ZNF521: variants seen among roughly 807,000 people sequenced by gnomAD.
The protein encoded by ZNF521 is zinc finger protein 521, also known as LYST-interacting protein 3.
ZNF521 carries 14 observed loss-of-function variants against 105.5 expected under a neutral mutation model. The ratio of observed to expected loss-of-function variants is 0.13; its 90% CI spans 0.09 to 0.21. The LOEUF (loss-of-function observed/expected upper bound fraction) is 0.21. Among genes scored for constraint, ZNF521 ranks in the 10% least tolerant of loss-of-function variants. ZNF521 has a pLI of 1.00. For missense variants in ZNF521, 1,233 were observed against 1,629.7 expected (o/e 0.76, Z 4.19); for synonymous variants, 635 against 606.0 (o/e 1.05, Z -0.70).
chr18:25,120,374 G>A (rs964084697), intron 5 of ZNF521, among the ~76,000 whole-genome samples: 1 of 152,170 alleles, frequency 6.6e-6, no homozygotes, highest in African/African-American at 2.4e-5. Context: ...CCCGAGGTCA[G>A]GAGTTCAAGA....
chr18:25,350,803 ACACTCACGCG>A (rs1914714942), intron 2 of ZNF521, 94 bp downstream of exon 2: 5 of 1,320,616 alleles, frequency 3.8e-6, no homozygotes, highest in Non-Finnish European at 5.2e-6. Context: ...ACTCACACTC[ACACTCACGCG>A]CGCACACGCC....
In ZNF521 at chr18:25,179,116, C is replaced by CTTTTTTTTTTTT. The variant is rs1175859497; in HGVS notation, c.3658+16032_3658+16043dup. 5.9e-4 allele frequency among the ~76,000 whole-genome samples: 31 copies of CTTTTTTTTTTTT among 52,482 alleles called. 7 individuals carry two copies. The highest frequency in any genetic ancestry group is 9.4e-4 in the South Asian group (1 of 1,064). 34.4% of individuals were successfully genotyped at this position (52,482 alleles called of 152,430 possible). A position where few individuals can be genotyped will look rare whatever the true frequency, so the allele number is the denominator to read the frequency against. ...GACTTATACTTCTTTTTCTTTATTC[C>CTTTTTTTTTTTT]TTTTTTTTTTTTTTTTTTTTTTTTT... On this transcript the variant is annotated intron_variant, in intron 5 of 7. Transcript: ENST00000361524.
At chr18:25,112,395 C>T (rs1407240488) in intron 5 of ZNF521, among the ~76,000 whole-genome samples, 1 of 152,100 alleles carries the variant, frequency 6.6e-6, no homozygotes, top group Non-Finnish European at 1.5e-5. Context: ...TACCCCTGCC[C>T]ACTACAACTT....
chr18:25,241,663 G>T (rs995748067), intron 3 of ZNF521, among the ~76,000 whole-genome samples: 2 of 151,962 alleles, frequency 1.3e-5, no homozygotes, highest in African/African-American at 4.8e-5. Flanking sequence ...GTAAGTCAAG[G>T]CTATTAAAAC....
chr18:25,238,519 G>A (rs1157810834), intron 3 of ZNF521, among the ~76,000 whole-genome samples: 1 of 152,138 alleles, frequency 6.6e-6, no homozygotes, highest in African/African-American at 2.4e-5. Flanking sequence ...TGGTATGGTC[G>A]GATCAGGTAT....
intron 7 of ZNF521, among the ~76,000 whole-genome samples, chr18:25,084,005 A>G (rs1729978951): frequency 7.4e-6 from 1 of 135,404 alleles, no homozygotes; most frequent in South Asian, 2.3e-4. Context: ...GCTGGTCTCA[A>G]TCTCTTGGGC....
At chr18:25,163,772 T>A (rs924459810) in intron 5 of ZNF521, among the ~76,000 whole-genome samples, 1 of 152,176 alleles carries the variant, frequency 6.6e-6, no homozygotes, top group Non-Finnish European at 1.5e-5. Flanking sequence ...GTTGCAGGTA[T>A]GGGGGCTTTT....
At chr18:25,217,278 G>C (rs140627032) in intron 4 of ZNF521, among the ~76,000 whole-genome samples, 131 of 152,320 alleles carry the variant, frequency 8.6e-4, no homozygotes, top group African/African-American at 2.7e-3. Flanking sequence ...ATCCAGACGA[G>C]AAACAATTGC....
intron 7 of ZNF521, among the ~76,000 whole-genome samples, chr18:25,068,983 T>C (rs1201023717): frequency 1.3e-5 from 2 of 152,228 alleles, no homozygotes; most frequent in Non-Finnish European, 2.9e-5. Context: ...TACCTAGTCC[T>C]CAAACATTAG....
At chr18:25,351,730 C>G (rs531681846) in intron 1 of ZNF521, 1 of 155,200 alleles carries the variant, frequency 6.4e-6, no homozygotes, top group Admixed American at 6.5e-5. Flanking sequence ...CCAAAGCACC[C>G]GAGCCGACGG....
intron 3 of ZNF521, among the ~76,000 whole-genome samples, chr18:25,237,238 G>T (rs1443890529): frequency 1.3e-5 from 2 of 152,126 alleles, no homozygotes; most frequent in Non-Finnish European, 2.9e-5. Context: ...TAGACTAAGT[G>T]ATTTATGCCA....
chr18:25,213,158 T>C (rs1360922937), intron 4 of ZNF521, among the ~76,000 whole-genome samples: 1 of 147,224 alleles, frequency 6.8e-6, no homozygotes, highest in African/African-American at 2.5e-5. Flanking sequence ...AGTATAATAA[T>C]ATAGTTACAT....
intron 5 of ZNF521, among the ~76,000 whole-genome samples, chr18:25,119,155 A>C (rs1037901070): frequency 6.6e-6 from 1 of 152,190 alleles, no homozygotes; most frequent in Non-Finnish European, 1.5e-5. Flanking sequence ...AATCTTAACA[A>C]TTATGGATAT....
intron 3 of ZNF521, among the ~76,000 whole-genome samples, chr18:25,287,564 C>G (rs1231760547): frequency 2.0e-5 from 3 of 151,710 alleles, no homozygotes; most frequent in Non-Finnish European, 4.4e-5. Context: ...CATAAAAACC[C>G]TCTTTATGAA....
chr18:25,308,084 C>T (rs1318053385), intron 3 of ZNF521, among the ~76,000 whole-genome samples: 2 of 151,620 alleles, frequency 1.3e-5, no homozygotes, highest in Non-Finnish European at 2.9e-5. Flanking sequence ...TGCCTATAAT[C>T]CCAGCTACTC....
At chr18:25,212,538 A>AAAAAATATATATATAT (rs1555647923) in intron 4 of ZNF521, among the ~76,000 whole-genome samples, 2 of 48,142 alleles carry the variant, frequency 4.2e-5, no homozygotes, top group African/African-American at 1.3e-4. Flanking sequence ...AAAAAAAAAA[A>AAAAAATATATATATAT]ATATATATAT....
intron 3 of ZNF521, among the ~76,000 whole-genome samples, chr18:25,313,186 G>A (rs1912417173): frequency 6.6e-6 from 1 of 152,138 alleles, no homozygotes; most frequent in Non-Finnish European, 1.5e-5. Flanking sequence ...TGGGTGGGCT[G>A]GCTTCTCCAG....
intron 5 of ZNF521, among the ~76,000 whole-genome samples, chr18:25,167,209 T>C (rs2035359221): frequency 6.6e-6 from 1 of 152,242 alleles, no homozygotes; most frequent in Non-Finnish European, 1.5e-5. Flanking sequence ...GTCTTAAGTA[T>C]ACTTTAATTT....
chr18:25,319,573 G>A (rs1912825769), intron 3 of ZNF521, among the ~76,000 whole-genome samples: 1 of 149,978 alleles, frequency 6.7e-6, no homozygotes, highest in South Asian at 2.1e-4. Context: ...TCCAGCCTGG[G>A]CAACAGAGCA....
Sources: allele counts gnomAD v4.1 joint callset (sites outside exome capture counted in the v4.1 genomes callset), GRCh38; gene constraint gnomAD v4.1.1; transcripts MANE v1.5; gene names NCBI Gene and HGNC (gene_info 2026-07-23, HGNC 2026-07-21).